Variants in SHOX observed in about 807,000 individuals in gnomAD.
SHOX encodes short stature homeobox protein.
In SHOX, 12 loss-of-function variants were observed where a neutral mutation model predicts 29.6. That is an observed-to-expected ratio of 0.41 (90% confidence interval 0.26 to 0.66). The LOEUF is 0.66. SHOX is among the 30% of genes least tolerant of loss of function. SHOX has a pLI of 0.35. For synonymous variants in SHOX, 214 were observed against 200.6 expected (o/e 1.07, Z -0.57); for missense variants, 499 against 437.7 (o/e 1.14, Z -1.25).
intron 1 of SHOX, among the ~76,000 whole-genome samples, chrX:625,647 CTCTT>C (rs1406088080): frequency 3.4e-5 from 5 of 148,744 alleles, no homozygotes; most frequent in South Asian, 2.3e-4. Context: ...ATCTCTGTCT[CTCTT>C]TCTCTCTGTC....
rs2053031322 is a variant in SHOX at position 650,083 on chromosome X, G to T, written c.*5447G>T. On this transcript the variant is annotated 3_prime_UTR_variant, in exon 5 of 5. Transcript: ENST00000686671. ...GTTAGAAAAATGCACCTTCTCTGGT[G>T]GCCGTTGGGGTGTTGTTTCACAGGC... 2.2e-6 allele frequency: 1 copy of T among 449,854 alleles called. No homozygotes were observed. Among genetic ancestry groups the T allele is most frequent in the South Asian group, 1.6e-5 (1 of 63,292 alleles). The allele number at this position is 449,854 out of a possible 1,614,324, so 27.9% of individuals were successfully genotyped here.
rs2052896393 is a variant in SHOX, at chrX:643,314, C to G, written c.634-1077C>G. Reference sequence around the variant, plus strand: ...GGGAGAGGCTTGGAGATCTGGTGAGCCGGGAGAGGCTTGGGGACCTGGTGT... The same window carrying G: ...GGGAGAGGCTTGGAGATCTGGTGAGGCGGGAGAGGCTTGGGGACCTGGTGT... On this transcript the variant is annotated intron_variant, in intron 4 of 4. Coordinates refer to ENST00000686671, the MANE Select transcript of SHOX (RefSeq NM_000451.4). 4.9e-5 allele frequency among the ~76,000 whole-genome samples: 7 copies of G among 143,772 alleles called. No homozygotes were observed. In the South Asian group the frequency reaches 1.6e-3, roughly 32 times the overall value. The allele number at this position is 143,772 out of a possible 152,430, so 94.3% of individuals were successfully genotyped here.
chrX:625,128 CT>C (rs1219354365), intron 1 of SHOX, among the ~76,000 whole-genome samples: 2 of 113,644 alleles, frequency 1.8e-5, no homozygotes, highest in Non-Finnish European at 3.5e-5. Context: ...CTTTCTCTTT[CT>C]TTTTTCTTTC....
downstream of SHOX, among the ~76,000 whole-genome samples, chrX:651,779 T>TA (rs2053069062): frequency 6.6e-6 from 1 of 151,962 alleles, no homozygotes; most frequent in Non-Finnish European, 1.5e-5. Context: ...CTTTTGCTTG[T>TA]ATCCCATCCC....
intron 5 of SHOX, among the ~76,000 whole-genome samples, chrX:658,094 C>T (rs2053172121): frequency 6.6e-6 from 1 of 152,050 alleles, no homozygotes; most frequent in Non-Finnish European, 1.5e-5. Context: ...CCTGCCTCAG[C>T]CTCCCGAGTA....
At position 644,853 on chromosome X, in the gene SHOX, G is replaced by C. The variant is rs1415143125; in HGVS notation, c.*217G>C. On this transcript the variant is annotated 3_prime_UTR_variant, in exon 5 of 5. Coordinates refer to ENST00000686671, the MANE Select transcript of SHOX (RefSeq NM_000451.4). ...GCGGAGATGGTGCAGAAGGCGGAGCGGGTGAGCGGCCGTGCGTCCAGCCCG... is the reference window on the plus strand; with the variant it reads ...GCGGAGATGGTGCAGAAGGCGGAGCCGGTGAGCGGCCGTGCGTCCAGCCCG... 3.3e-6 allele frequency: 2 copies of C among 614,350 alleles called. No individual in the cohort carries two copies. The highest frequency in any genetic ancestry group is 5.0e-6 in the Non-Finnish European group (2 of 402,050). The allele number at this position is 614,350 out of a possible 1,614,324, so 38.1% of individuals were successfully genotyped here. A position where few individuals can be genotyped will look rare whatever the true frequency, so the allele number is the denominator to read the frequency against.
downstream of SHOX, among the ~76,000 whole-genome samples, chrX:651,765 T>C (rs1365694237): frequency 2.0e-5 from 3 of 151,850 alleles, no homozygotes; most frequent in East Asian, 5.8e-4. Context: ...GGAGGTACCA[T>C]TGACTTTTGC....
chrX:654,622 G>A (rs1422476923), downstream of SHOX, among the ~76,000 whole-genome samples: 1 of 152,078 alleles, frequency 6.6e-6, no homozygotes, highest in Admixed American at 6.6e-5. Context: ...CAAATAATTA[G>A]GCAGGCATGG....
chrX:634,913 G>A, intron 2 of SHOX, 87 bp downstream of exon 2: 1 of 1,396,262 alleles, frequency 7.2e-7, no homozygotes, highest in East Asian at 2.5e-5. Context: ...ACCTGCGCCC[G>A]GGCCGCCGCC....
intron 4 of SHOX, among the ~76,000 whole-genome samples, chrX:643,607 G>A (rs185862688): frequency 3.5e-5 from 5 of 143,958 alleles, no homozygotes; most frequent in Non-Finnish European, 7.5e-5. Flanking sequence ...TGGGGACCTG[G>A]TGTCCTGGGA....
chrX:642,043 G>T (rs1414923532), intron 4 of SHOX, among the ~76,000 whole-genome samples: 1 of 152,232 alleles, frequency 6.6e-6, no homozygotes, highest in African/African-American at 2.4e-5. Flanking sequence ...TGGATTTGGG[G>T]CTTCCAGGGA....
chrX:632,263 T>C (rs2052664576), intron 1 of SHOX, among the ~76,000 whole-genome samples: 1 of 151,920 alleles, frequency 6.6e-6, no homozygotes. Flanking sequence ...TGGCCCTTCC[T>C]CCTGAGACCT....
intron 1 of SHOX, among the ~76,000 whole-genome samples, chrX:625,622 T>C (rs1252526556): frequency 6.6e-6 from 1 of 151,404 alleles, no homozygotes; most frequent in Non-Finnish European, 1.5e-5. Context: ...TTTCTCTGTC[T>C]CTGTCTGTAT....
chrX:652,883 C>CTTGACCAAGT (rs1486917335), downstream of SHOX, among the ~76,000 whole-genome samples: 1 of 6,502 alleles, frequency 1.5e-4, no homozygotes, highest in Non-Finnish European at 3.1e-4. Context: ...CATCTCCAGC[C>CTTGACCAAGT]TGTTTTTTAG....
upstream of SHOX, among the ~76,000 whole-genome samples, chrX:626,953 T>TCTCTGTCTGTATCTCTGTCTAC (rs2052549993): frequency 6.6e-6 from 1 of 151,686 alleles, no homozygotes; most frequent in Non-Finnish European, 1.5e-5. Context: ...TCTTTTTCTC[T>TCTCTGTCTGTATCTCTGTCTAC]CTCTGTCTGT....
At chrX:658,509 C>G (rs920716184) in intron 5 of SHOX, among the ~76,000 whole-genome samples, 2 of 146,992 alleles carry the variant, frequency 1.4e-5, no homozygotes, top group African/African-American at 2.5e-5. Context: ...CTCGCTCTGT[C>G]ACCCAGGCTG....
chrX:655,030 C>T (rs1161251005), downstream of SHOX, among the ~76,000 whole-genome samples: 1 of 151,870 alleles, frequency 6.6e-6, no homozygotes, highest in African/African-American at 2.4e-5. Context: ...CTGCAGGAAG[C>T]CATGATTGCA....
rs1556473188 is a variant in SHOX at position 650,808 on chromosome X, A to AAC, written c.*6173_*6174insCA. Among the ~76,000 whole-genome samples, 11 of 147,150 alleles carry AAC rather than the reference A, an allele frequency of 7.5e-5. No homozygotes were observed. The highest frequency in any genetic ancestry group is 2.8e-4 in the African/African-American group (11 of 39,642). On this transcript the variant is annotated 3_prime_UTR_variant, in exon 5 of 5. Coordinates refer to ENST00000686671, the MANE Select transcript of SHOX (RefSeq NM_000451.4). ...GTTTGACATTAAAAAAAAAAAAAAAAAAAAAAAAAAACTGGTGCCTAATTT... is the reference window on the plus strand; with the variant it reads ...GTTTGACATTAAAAAAAAAAAAAAAAACAAAAAAAAAAACTGGTGCCTAATTT...
chrX:652,171 C>T (rs1348543892), downstream of SHOX, among the ~76,000 whole-genome samples: 2 of 152,088 alleles, frequency 1.3e-5, no homozygotes, highest in African/African-American at 4.8e-5. Context: ...GATCCACCCG[C>T]GTCTGGGCCC....
Sources: allele counts gnomAD v4.1 joint callset (sites outside exome capture counted in the v4.1 genomes callset), GRCh38; gene constraint gnomAD v4.1.1; transcripts MANE v1.5; gene names NCBI Gene and HGNC (gene_info 2026-07-23, HGNC 2026-07-21).